TYW1: variants seen among roughly 807,000 people sequenced by gnomAD.
The protein encoded by TYW1 is S-adenosyl-L-methionine-dependent tRNA 4-demethylwyosine synthase TYW1.
In TYW1, 46 loss-of-function variants were observed where a neutral mutation model predicts 96.2. The ratio of observed to expected loss-of-function variants is 0.48; its 90% CI spans 0.38 to 0.61. The LOEUF is 0.61. Among genes scored for constraint, TYW1 ranks in the 20% least tolerant of loss-of-function variants. The pLI, the probability that TYW1 is intolerant of heterozygous loss-of-function variation, is 0.00. For missense variants in TYW1, 684 were observed against 909.6 expected (o/e 0.75, Z 3.19); for synonymous variants, 274 against 323.0 (o/e 0.85, Z 1.63).
chr7:66,997,159 C>A (rs1009570046), intron 1 of TYW1, among the ~76,000 whole-genome samples, 177 bp downstream of exon 1: 2 of 152,250 alleles, frequency 1.3e-5, no homozygotes, highest in African/African-American at 2.4e-5. Context: ...TTTGACCTGG[C>A]TTTTGCCTTT....
intron 15 of TYW1, among the ~76,000 whole-genome samples, chr7:67,207,659 C>G (rs904085698): frequency 1.5e-5 from 2 of 131,880 alleles, no homozygotes; most frequent in Non-Finnish European, 3.3e-5. Flanking sequence ...ATTTGTTTAT[C>G]TACTTCACAA....
chr7:67,165,283 G>A (rs1236464182), intron 13 of TYW1, among the ~76,000 whole-genome samples: 3 of 152,142 alleles, frequency 2.0e-5, no homozygotes, highest in African/African-American at 7.2e-5. Context: ...GTGTTGAATT[G>A]CAACTGTCAA....
intron 10 of TYW1, 68 bp downstream of exon 10, chr7:67,067,471 C>A: frequency 1.3e-6 from 2 of 1,550,964 alleles, no homozygotes; most frequent in Non-Finnish European, 1.8e-6. Flanking sequence ...CTGCCCAGCT[C>A]ACACTCAGAC....
At chr7:67,096,161 G>A (rs915384759) in intron 11 of TYW1, among the ~76,000 whole-genome samples, 13 of 152,130 alleles carry the variant, frequency 8.5e-5, no homozygotes, top group Admixed American at 2.0e-4. Flanking sequence ...AGGCCGAGGC[G>A]GGCAGATCAC....
At chr7:67,177,667 A>C (rs1799715744) in intron 13 of TYW1, among the ~76,000 whole-genome samples, 1 of 152,238 alleles carries the variant, frequency 6.6e-6, no homozygotes, top group Admixed American at 6.5e-5. Flanking sequence ...AAAGTGGTGA[A>C]AACTAGCAAC....
At chr7:67,152,973 G>A (rs1379484605) in intron 13 of TYW1, among the ~76,000 whole-genome samples, 5 of 152,192 alleles carry the variant, frequency 3.3e-5, no homozygotes, top group African/African-American at 1.2e-4. Context: ...CTGTTCTCAA[G>A]CCTGCCTTCC....
chr7:67,037,468 C>CA (rs1794876166), intron 7 of TYW1, among the ~76,000 whole-genome samples: 1 of 148,062 alleles, frequency 6.8e-6, no homozygotes, highest in African/African-American at 2.5e-5. Context: ...TGCACCATTG[C>CA]ACTCCAGCCT....
chr7:67,066,003 A>ACG lies in TYW1; in HGVS notation c.1156-1281_1156-1280insGC, dbSNP rs1491507342. 2.2e-4 allele frequency among the ~76,000 whole-genome samples: 11 copies of ACG among 51,148 alleles called. 1 individual carries two copies. The highest frequency in any genetic ancestry group is 2.1e-3 in the South Asian group (3 of 1,434). The allele number at this position is 51,148 out of a possible 152,430, so 33.6% of individuals were successfully genotyped here. A position where few individuals can be genotyped will look rare whatever the true frequency, so the allele number is the denominator to read the frequency against. ...CCAGCCTAGGTGACAGAGTGAGACT[A>ACG]CACACACACACACACACACACACAC... is the stretch of plus-strand genomic sequence containing the variant. On this transcript the variant is annotated intron_variant, in intron 9 of 15. Transcript: ENST00000359626.
chr7:67,010,506 C>T (rs1344853366), intron 4 of TYW1, among the ~76,000 whole-genome samples: 1 of 149,958 alleles, frequency 6.7e-6, no homozygotes, highest in Non-Finnish European at 1.5e-5. Flanking sequence ...CATGGAGTCT[C>T]GCTCTGTCAC....
intron 3 of TYW1, among the ~76,000 whole-genome samples, chr7:67,009,129 C>A (rs1184280663): frequency 2.6e-5 from 4 of 152,106 alleles, no homozygotes; most frequent in Non-Finnish European, 1.5e-5. Context: ...CCCGTCTCAG[C>A]CTCTTGAGTA....
chr7:67,226,955 G>A (rs1253295340), intron 15 of TYW1, among the ~76,000 whole-genome samples: 11 of 151,894 alleles, frequency 7.2e-5, no homozygotes, highest in Admixed American at 5.9e-4. Context: ...ATGTTTGGAA[G>A]ACCCATTTAG....
chr7:67,136,864 C>T (rs1380707230), intron 13 of TYW1, among the ~76,000 whole-genome samples: 4 of 151,954 alleles, frequency 2.6e-5, no homozygotes, highest in Non-Finnish European at 5.9e-5. Flanking sequence ...ACTCTGTCGC[C>T]CAGGCTGGAG....
chr7:67,010,628 G>A (rs1234706027), intron 4 of TYW1, among the ~76,000 whole-genome samples: 43 of 151,956 alleles, frequency 2.8e-4, no homozygotes, highest in African/African-American at 9.4e-4. Flanking sequence ...GGCGCCCGCC[G>A]CCACACCCGA....
chr7:67,027,414 T>C (rs762294437), intron 7 of TYW1, among the ~76,000 whole-genome samples: 17 of 152,056 alleles, frequency 1.1e-4, no homozygotes, highest in Non-Finnish European at 1.9e-4. Flanking sequence ...TAAAGTGTTT[T>C]ACATGACCAT....
chr7:67,170,403 T>C (rs1799480495), intron 13 of TYW1, among the ~76,000 whole-genome samples: 1 of 152,210 alleles, frequency 6.6e-6, no homozygotes, highest in Non-Finnish European at 1.5e-5. Flanking sequence ...TTATTTTGGG[T>C]CTTTGGGTTC....
At chr7:67,115,497 A>C (rs3807368) in intron 12 of TYW1, among the ~76,000 whole-genome samples, 42,066 of 152,068 alleles carry the variant, frequency 0.28, 6,657 homozygotes, top group African/African-American at 0.44. Context: ...CCTCTGTCCT[A>C]CATTTGGTCA....
chr7:67,112,762 AAG>A, intron 12 of TYW1, among the ~76,000 whole-genome samples: 1 of 152,310 alleles, frequency 6.6e-6, no homozygotes, highest in Non-Finnish European at 1.5e-5. Context: ...AATTGTGGTT[AAG>A]AGGTTGTTGG....
chr7:67,159,042 T>C (rs1680775845), intron 13 of TYW1, among the ~76,000 whole-genome samples: 1 of 152,254 alleles, frequency 6.6e-6, no homozygotes, highest in African/African-American at 2.4e-5. Flanking sequence ...CTGACTTTTA[T>C]AATTTATTTT....
chr7:67,092,695 T>G (rs1286188996), intron 11 of TYW1, among the ~76,000 whole-genome samples: 1 of 115,550 alleles, frequency 8.7e-6, no homozygotes, highest in Non-Finnish European at 1.8e-5. Flanking sequence ...TTTTTTTTTT[T>G]TTTTTGAGAC....
Sources: allele counts gnomAD v4.1 joint callset (sites outside exome capture counted in the v4.1 genomes callset), GRCh38; gene constraint gnomAD v4.1.1; transcripts MANE v1.5; gene names NCBI Gene and HGNC (gene_info 2026-07-23, HGNC 2026-07-21).